The following TENM2 variants were observed in gnomAD, a reference collection of about 807,000 sequenced individuals.
TENM2 encodes teneurin transmembrane protein 2.
TENM2 carries 52 observed loss-of-function variants against 245.2 expected under a neutral mutation model. The observed-to-expected ratio is 0.21, with a 90% CI of 0.17 to 0.27. The LOEUF (loss-of-function observed/expected upper bound fraction) is 0.27. Ranked by LOEUF, TENM2 falls within the 10% of genes least tolerant of loss-of-function variation. TENM2 has a pLI of 1.00. For synonymous variants in TENM2, 1,363 were observed against 1,438.9 expected, an observed-to-expected ratio of 0.95 and a Z score of 1.19; for missense variants, 3,046 against 3,666.8, an observed-to-expected ratio of 0.83 and a Z score of 4.37.
chr5:167,436,563 G>A (rs1764565914), intron 2 of TENM2, among the ~76,000 whole-genome samples: 1 of 152,122 alleles, frequency 6.6e-6, no homozygotes, highest in African/African-American at 2.4e-5. Context: ...TATAAGTAAC[G>A]AGGAGCCTAA....
At chr5:168,024,964 G>A (rs554649388) in intron 5 of TENM2, among the ~76,000 whole-genome samples, 47 of 152,302 alleles carry the variant, frequency 3.1e-4, no homozygotes, top group Middle Eastern at 3.4e-3. Flanking sequence ...GGCTTCCTCC[G>A]TGTTATCTCT....
chr5:168,184,131 G>T (rs546897438), intron 13 of TENM2, among the ~76,000 whole-genome samples: 1 of 152,254 alleles, frequency 6.6e-6, no homozygotes, highest in Admixed American at 6.5e-5. Context: ...GATTAACTTT[G>T]CCTGTTCTTG....
intron 2 of TENM2, among the ~76,000 whole-genome samples, chr5:167,469,685 T>C (rs1253686267): frequency 1.3e-5 from 2 of 152,134 alleles, no homozygotes; most frequent in Non-Finnish European, 2.9e-5. Context: ...CTTTTTCCTT[T>C]ACATTTTTAT....
intron 2 of TENM2, among the ~76,000 whole-genome samples, chr5:167,805,620 C>T (rs1166043904): frequency 1.3e-5 from 2 of 152,138 alleles, no homozygotes; most frequent in Non-Finnish European, 2.9e-5. Flanking sequence ...AAATAGTGAT[C>T]AATAACTGTT....
intron 3 of TENM2, among the ~76,000 whole-genome samples, chr5:167,922,053 T>C (rs1777411929): frequency 6.6e-6 from 1 of 152,042 alleles, no homozygotes; most frequent in Non-Finnish European, 1.5e-5. Flanking sequence ...TGTTGAAATA[T>C]CAAGAAAAAA....
intron 3 of TENM2, among the ~76,000 whole-genome samples, chr5:167,890,941 A>G (rs1399263341): frequency 6.6e-6 from 1 of 152,204 alleles, no homozygotes; most frequent in Non-Finnish European, 1.5e-5. Flanking sequence ...AAGATGTAGA[A>G]GGTATTATTA....
chr5:167,567,460 G>A (rs1773977446), intron 2 of TENM2, among the ~76,000 whole-genome samples: 1 of 152,004 alleles, frequency 6.6e-6, no homozygotes, highest in Non-Finnish European at 1.5e-5. Flanking sequence ...TGTATAATTG[G>A]GCCTGAAATG....
chr5:167,828,136 C>A lies in TENM2; in HGVS notation c.503-47850C>A, dbSNP rs187608896. ...TAATTTAATCCTCAGGAAAGCCTTACAGATTAGATCCCATTATCATCACCG... is the reference window on the plus strand; with the variant it reads ...TAATTTAATCCTCAGGAAAGCCTTAAAGATTAGATCCCATTATCATCACCG... On this transcript the variant is annotated intron_variant, in intron 2 of 28. Transcript: ENST00000518659. Among the ~76,000 whole-genome samples, 230 of 152,342 alleles carry A rather than the reference C, an allele frequency of 1.5e-3. 1 individual carries two copies. The highest frequency in any genetic ancestry group is 5.2e-3 in the African/African-American group (215 of 41,572).
At chr5:168,178,269 C>A (rs749864069) in intron 13 of TENM2, among the ~76,000 whole-genome samples, 1 of 152,194 alleles carries the variant, frequency 6.6e-6, no homozygotes, top group South Asian at 2.1e-4. Context: ...CACTGGCCGT[C>A]GGCTCAGTTC....
At chr5:167,088,162 A>G in the TENM2 span, among the ~76,000 whole-genome samples, 1 of 152,256 alleles carries the variant, frequency 6.6e-6, no homozygotes, top group South Asian at 2.1e-4. Context: ...GGCTGGGATG[A>G]CCAAGCTGTA....
intron 5 of TENM2, among the ~76,000 whole-genome samples, chr5:168,010,058 A>G (rs751542565): frequency 1.3e-4 from 20 of 152,254 alleles, no homozygotes; most frequent in Non-Finnish European, 2.9e-4. Flanking sequence ...CCCTGCCATG[A>G]GAGATAAGTT....
chr5:167,840,553 C>T (rs1219020685), intron 2 of TENM2, among the ~76,000 whole-genome samples: 1 of 152,092 alleles, frequency 6.6e-6, no homozygotes, highest in Non-Finnish European at 1.5e-5. Context: ...TCCCCCAGCC[C>T]CCCACAATGT....
the TENM2 span, among the ~76,000 whole-genome samples, chr5:167,059,062 C>T: frequency 2.8e-4 from 42 of 152,300 alleles, no homozygotes; most frequent in African/African-American, 1.0e-3. Context: ...TACTGAGACA[C>T]TAAGGGTACT....
At chr5:168,134,849 G>A (rs1193201955) in intron 12 of TENM2, among the ~76,000 whole-genome samples, 1 of 152,126 alleles carries the variant, frequency 6.6e-6, no homozygotes, top group Non-Finnish European at 1.5e-5. Flanking sequence ...GGTTCTTACA[G>A]ACAAACATAA....
At chr5:167,469,576 A>T (rs1237750423) in intron 2 of TENM2, among the ~76,000 whole-genome samples, 1 of 152,152 alleles carries the variant, frequency 6.6e-6, no homozygotes, top group Non-Finnish European at 1.5e-5. Context: ...AGTGCTTATG[A>T]AGTTTATAAT....
the TENM2 span, among the ~76,000 whole-genome samples, chr5:167,033,122 A>G: frequency 6.6e-6 from 1 of 152,222 alleles, no homozygotes; most frequent in Non-Finnish European, 1.5e-5. Context: ...CATCCTGGAC[A>G]GACAAGTGTT....
At chr5:167,903,302 T>G (rs1775851657) in intron 3 of TENM2, among the ~76,000 whole-genome samples, 1 of 152,056 alleles carries the variant, frequency 6.6e-6, no homozygotes, top group Non-Finnish European at 1.5e-5. Context: ...GCCTCTAAGC[T>G]CACGAAGCTT....
At chr5:168,006,905 T>A (rs1784864399) in intron 5 of TENM2, among the ~76,000 whole-genome samples, 1 of 152,218 alleles carries the variant, frequency 6.6e-6, no homozygotes, top group African/African-American at 2.4e-5. Context: ...TCAGCTGGGT[T>A]CCACCTGGGT....
intron 21 of TENM2, among the ~76,000 whole-genome samples, chr5:168,215,755 G>A (rs921258422): frequency 6.6e-6 from 1 of 152,182 alleles, no homozygotes; most frequent in African/African-American, 2.4e-5. Flanking sequence ...AGGGGATTGC[G>A]CCTGGAGATT....
Sources: allele counts gnomAD v4.1 joint callset (sites outside exome capture counted in the v4.1 genomes callset), GRCh38; gene constraint gnomAD v4.1.1; transcripts MANE v1.5; gene names NCBI Gene and HGNC (gene_info 2026-07-23, HGNC 2026-07-21).